Variants in BDKRB2 observed in about 807,000 individuals in gnomAD.
BDKRB2 encodes bradykinin receptor B2.
In BDKRB2, 6 loss-of-function variants were observed where a neutral mutation model predicts 4.0. The observed-to-expected ratio is 1.49, with a 90% CI of 0.81 to 2.93. The LOEUF (loss-of-function observed/expected upper bound fraction) is 2.93. Among genes scored for constraint, BDKRB2 ranks in the 30% most tolerant of loss-of-function variants. BDKRB2 has a pLI of 0.00. For synonymous variants in BDKRB2, 225 were observed against 215.3 expected (o/e 1.05, Z -0.40); for missense variants, 478 against 520.1 (o/e 0.92, Z 0.79).
At chr14:96,214,057 C>T (rs1434268859) in intron 1 of BDKRB2, among the ~76,000 whole-genome samples, 1 of 152,084 alleles carries the variant, frequency 6.6e-6, no homozygotes, top group Admixed American at 6.5e-5. Flanking sequence ...AGCATGAGTC[C>T]CTTGCCTGGG....
chr14:96,217,885 C>T lies in BDKRB2; in HGVS notation c.-40+12926C>T, dbSNP rs550124004. ...GACTCCTCCAACCAGGTCTGCCTTA[C>T]GCTTTTGACCACAATCAACCCGGCT... is the stretch of plus-strand genomic sequence containing the variant. On this transcript the variant is annotated intron_variant, in intron 1 of 2. Coordinates refer to ENST00000554311, the MANE Select transcript of BDKRB2 (RefSeq NM_001379692.1). Among the ~76,000 whole-genome samples, 8 of 152,238 alleles carry T rather than the reference C, an allele frequency of 5.3e-5. No homozygotes were observed. In the South Asian group the frequency reaches 1.2e-3, roughly 24 times the overall value.
chr14:96,221,769 A>G (rs985591532), intron 1 of BDKRB2, among the ~76,000 whole-genome samples: 15 of 152,192 alleles, frequency 9.9e-5, no homozygotes, highest in Non-Finnish European at 1.6e-4. Flanking sequence ...GCCTGACTCT[A>G]GAAAGAAGGG....
rs907211415 is a variant in BDKRB2, at chr14:96,223,104, G to T, written c.-39-13965G>T. The T allele has an allele frequency of 1.1e-5, 14 of 1,223,642 alleles. No homozygotes were observed. In the East Asian group the frequency reaches 3.0e-4, roughly 27 times the overall value. 75.8% of individuals were successfully genotyped at this position (1,223,642 alleles called of 1,614,324 possible). A position where few individuals can be genotyped will look rare whatever the true frequency, so the allele number is the denominator to read the frequency against. On this transcript the variant is annotated intron_variant, in intron 1 of 2. Transcript: ENST00000554311. ...AGGGCTGAAGGCTAGCAAACCGAGC[G>T]ATCATGTCACACAAACAAATTCACT...
At chr14:96,206,556 G>A (rs1890183932) in intron 1 of BDKRB2, among the ~76,000 whole-genome samples, 1 of 152,048 alleles carries the variant, frequency 6.6e-6, no homozygotes, top group Non-Finnish European at 1.5e-5. Context: ...TTAGGTTGGT[G>A]CAAAAGTCAT....
intron 1 of BDKRB2, among the ~76,000 whole-genome samples, chr14:96,228,793 C>T (rs1233742256): frequency 6.6e-6 from 1 of 152,188 alleles, no homozygotes; most frequent in African/African-American, 2.4e-5. Context: ...TGCCTCCTGT[C>T]CATATCACCT....
Position 96,241,661 on chromosome 14 carries a change from C to A in BDKRB2, c.*157C>A. The A allele has an allele frequency of 2.3e-6, 3 of 1,294,544 alleles. No homozygotes were observed. Among genetic ancestry groups the A allele is most frequent in the African/African-American group, 1.5e-5 (1 of 67,304 alleles). 80.2% of individuals were successfully genotyped at this position (1,294,544 alleles called of 1,614,324 possible). On this transcript the variant is annotated 3_prime_UTR_variant, in exon 3 of 3. Transcript: ENST00000554311. ...ACCGGAGACTAATTCCTGCCCTGCC[C>A]AATTTTGCAGGGAGCATGGCTGTGA... is the stretch of plus-strand genomic sequence containing the variant.
intron 1 of BDKRB2, among the ~76,000 whole-genome samples, chr14:96,229,128 G>A (rs1265195068): frequency 2.0e-5 from 3 of 152,264 alleles, no homozygotes; most frequent in Admixed American, 6.5e-5. Context: ...GTCAGTCAAC[G>A]ACCATTTATT....
rs1191156249 is a variant in BDKRB2 at position 96,237,776 on chromosome 14, C to A, written c.74+595C>A. 4.7e-6 allele frequency: 6 copies of A among 1,289,638 alleles called. 1 individual carries two copies. Among genetic ancestry groups the A allele is most frequent in the Non-Finnish European group, 5.1e-6 (5 of 988,860 alleles). The allele number at this position is 1,289,638 out of a possible 1,614,324, so 79.9% of individuals were successfully genotyped here. On this transcript the variant is annotated intron_variant, in intron 2 of 2. Coordinates refer to ENST00000554311, the MANE Select transcript of BDKRB2 (RefSeq NM_001379692.1). The stretch of plus-strand genomic sequence containing the variant: ...TCAGCTGGGGCCACAGTGCACTGGA[C>A]CTATAGTTTCCAATTCCGCACTCAG...
intron 1 of BDKRB2, among the ~76,000 whole-genome samples, chr14:96,206,820 T>C (rs1232536800): frequency 6.6e-6 from 1 of 152,018 alleles, no homozygotes. Flanking sequence ...AGAAATACTT[T>C]AGACTGGGTA....
At chr14:96,212,524 A>G (rs569708421) in intron 1 of BDKRB2, among the ~76,000 whole-genome samples, 1 of 152,374 alleles carries the variant, frequency 6.6e-6, no homozygotes, top group South Asian at 2.1e-4. Flanking sequence ...TCAGTAGGCC[A>G]TCTAAGGATG....
At chr14:96,225,290 C>T (rs1890667321) in intron 1 of BDKRB2, among the ~76,000 whole-genome samples, 1 of 152,158 alleles carries the variant, frequency 6.6e-6, no homozygotes, top group African/African-American at 2.4e-5. Flanking sequence ...CAAGGGCACA[C>T]CTGGTCCTGG....
chr14:96,238,012 G>T, intron 2 of BDKRB2: 2 of 1,173,828 alleles, frequency 1.7e-6, no homozygotes, highest in East Asian at 6.2e-5. Context: ...GGGGTTGAGG[G>T]TTGGACCAAG....
At chr14:96,239,355 C>G in intron 2 of BDKRB2, 1 of 984,588 alleles carries the variant, frequency 1.0e-6, no homozygotes, top group Non-Finnish European at 1.2e-6. Context: ...AGAGGTCAAG[C>G]ATTTTGCCCA....
intron 1 of BDKRB2, among the ~76,000 whole-genome samples, chr14:96,227,546 C>T (rs10145126): frequency 0.19 from 29,400 of 152,146 alleles, 2,984 homozygotes; most frequent in African/African-American, 0.25. Context: ...TGTACACACA[C>T]GTGCACACAC....
intron 1 of BDKRB2, among the ~76,000 whole-genome samples, chr14:96,231,789 G>A (rs1159522585): frequency 6.6e-6 from 1 of 152,202 alleles, no homozygotes; most frequent in Non-Finnish European, 1.5e-5. Context: ...AGCAAGGCAG[G>A]GTCCTCCTCT....
chr14:96,212,867 GC>G (rs1467915820), intron 1 of BDKRB2, among the ~76,000 whole-genome samples: 4 of 152,104 alleles, frequency 2.6e-5, no homozygotes, highest in African/African-American at 7.2e-5. Flanking sequence ...AGGAGTTAAC[GC>G]CCCCTCCCCC....
At chr14:96,239,655 C>G in intron 2 of BDKRB2, 1 of 953,922 alleles carries the variant, frequency 1.0e-6, no homozygotes, top group South Asian at 4.8e-5. Context: ...TGATCCCTAT[C>G]ACAACCCTGA....
chr14:96,218,918 C>T (rs942149639), intron 1 of BDKRB2, among the ~76,000 whole-genome samples: 3 of 150,898 alleles, frequency 2.0e-5, no homozygotes, highest in African/African-American at 7.3e-5. Context: ...GACCCCATTT[C>T]AAAAAAAACA....
chr14:96,221,855 T>G (rs1412526983), intron 1 of BDKRB2, among the ~76,000 whole-genome samples: 1 of 152,022 alleles, frequency 6.6e-6, no homozygotes, highest in Non-Finnish European at 1.5e-5. Flanking sequence ...GGGCTCTGTG[T>G]AGGGAAAACA....
Sources: allele counts gnomAD v4.1 joint callset (sites outside exome capture counted in the v4.1 genomes callset), GRCh38; gene constraint gnomAD v4.1.1; transcripts MANE v1.5; gene names NCBI Gene and HGNC (gene_info 2026-07-23, HGNC 2026-07-21).